Variants in KCNH7 observed in about 807,000 individuals in gnomAD.
KCNH7 encodes potassium voltage-gated channel subfamily H member 7.
In KCNH7, 49 loss-of-function variants were observed where a neutral mutation model predicts 120.8. The ratio of observed to expected loss-of-function variants is 0.41; its 90% confidence interval spans 0.32 to 0.51. The LOEUF is 0.51. Ranked by LOEUF, KCNH7 falls within the 20% of genes least tolerant of loss-of-function variation. KCNH7 has a pLI of 0.38. For missense variants in KCNH7, 1,097 were observed against 1,446.6 expected, an observed-to-expected ratio of 0.76 and a Z score of 3.92; for synonymous variants, 547 against 516.1, an observed-to-expected ratio of 1.06 and a Z score of -0.81.
intron 11 of KCNH7, among the ~76,000 whole-genome samples, chr2:162,395,752 G>T (rs1686894143): frequency 6.6e-6 from 1 of 151,470 alleles, no homozygotes; most frequent in Admixed American, 6.6e-5. Context: ...GGTGTATCAG[G>T]GTATTAAATG....
At chr2:162,777,467 G>T (rs1683283955) in intron 2 of KCNH7, among the ~76,000 whole-genome samples, 1 of 152,144 alleles carries the variant, frequency 6.6e-6, no homozygotes, top group Admixed American at 6.5e-5. Flanking sequence ...ATCCATGGAT[G>T]CAGAACCCAC....
At chr2:162,387,385 A>T (rs1686604768) in intron 12 of KCNH7, among the ~76,000 whole-genome samples, 1 of 151,554 alleles carries the variant, frequency 6.6e-6, no homozygotes, top group African/African-American at 2.4e-5. Context: ...ATGCATTATA[A>T]TTAGCCTCCA....
chr2:162,500,370 G>GTATATAT (rs56097283), intron 6 of KCNH7, among the ~76,000 whole-genome samples: 146,486 of 146,562 alleles, frequency 1, 73,205 homozygotes, highest in Middle Eastern at 1. Context: ...AGTATATAAT[G>GTATATAT]TATATATTAT....
chr2:162,578,194 C>T (rs191301824), intron 2 of KCNH7, among the ~76,000 whole-genome samples: 1 of 152,044 alleles, frequency 6.6e-6, no homozygotes, highest in Admixed American at 6.6e-5. Context: ...GGTCCTTCAA[C>T]GCTAGCTGAG....
At chr2:162,374,708 ATCT>A (rs1686099241) in intron 14 of KCNH7, among the ~76,000 whole-genome samples, 1 of 152,120 alleles carries the variant, frequency 6.6e-6, no homozygotes, top group South Asian at 2.1e-4. Context: ...ATGAGAAAAT[ATCT>A]TCTTTTTTTT....
intron 2 of KCNH7, among the ~76,000 whole-genome samples, chr2:162,619,042 TTATTA>T (rs1683246651): frequency 6.6e-6 from 1 of 152,086 alleles, no homozygotes; most frequent in Admixed American, 6.5e-5. Flanking sequence ...CTGAAGAAAA[TTATTA>T]TCTTGGACAG....
chr2:162,565,689 T>A (rs538530877), intron 2 of KCNH7, among the ~76,000 whole-genome samples: 1 of 152,172 alleles, frequency 6.6e-6, no homozygotes, highest in Non-Finnish European at 1.5e-5. Context: ...CAGCTCTTGG[T>A]CTCCCAAGAT....
chr2:162,454,219 C>G (rs1688881292), intron 6 of KCNH7, among the ~76,000 whole-genome samples: 2 of 151,874 alleles, frequency 1.3e-5, no homozygotes, highest in African/African-American at 4.8e-5. Context: ...GGAATCCTTT[C>G]CTCATTGCTT....
intron 3 of KCNH7, among the ~76,000 whole-genome samples, chr2:162,523,420 C>T (rs1011372105): frequency 1.3e-5 from 2 of 151,874 alleles, no homozygotes; most frequent in African/African-American, 4.8e-5. Context: ...CATAAAATTA[C>T]AATGATAACA....
intron 6 of KCNH7, among the ~76,000 whole-genome samples, chr2:162,449,955 T>A (rs1688710805): frequency 1.3e-5 from 2 of 152,094 alleles, no homozygotes; most frequent in Admixed American, 6.6e-5. Flanking sequence ...TTTCTGTAGA[T>A]CAAAAATGAT....
Position 162,787,479 on chromosome 2 carries a change from G to T in KCNH7, c.307+49058C>A, listed in dbSNP as rs148096630. On this transcript the variant is annotated intron_variant, in intron 2 of 15. Transcript: ENST00000332142. Reference sequence around the variant, plus strand: ...CTCTGTGGCCCTGAGCACCAGGCTGGCATCCACGAATTCAGGCTTGAGGCT... The same window carrying T: ...CTCTGTGGCCCTGAGCACCAGGCTGTCATCCACGAATTCAGGCTTGAGGCT... Among the ~76,000 whole-genome samples the T allele has an allele frequency of 3.1e-3, 478 of 152,242 alleles. 2 individuals carry two copies. The highest frequency in any genetic ancestry group is 5.1e-3 in the Non-Finnish European group (345 of 68,014).
At chr2:162,722,805 C>CTTTTTTCTTTTTTTTTTTT (rs1559100199) in intron 2 of KCNH7, among the ~76,000 whole-genome samples, 3 of 79,878 alleles carry the variant, frequency 3.8e-5, no homozygotes, top group African/African-American at 2.3e-4. Context: ...TTCATTCATT[C>CTTTTTTCTTTTTTTTTTTT]TTTTTTTCTT....
chr2:162,536,815 A>T, intron 3 of KCNH7, 110 bp downstream of exon 3: 2 of 1,104,448 alleles, frequency 1.8e-6, no homozygotes, highest in Non-Finnish European at 2.6e-6. Flanking sequence ...AAATTATTTT[A>T]CTTCAAATAT....
intron 6 of KCNH7, among the ~76,000 whole-genome samples, chr2:162,472,772 A>C (rs1287548427): frequency 6.6e-6 from 1 of 152,238 alleles, no homozygotes; most frequent in Non-Finnish European, 1.5e-5. Flanking sequence ...TCATGCTGCT[A>C]TAAAGACACA....
intron 6 of KCNH7, among the ~76,000 whole-genome samples, chr2:162,484,978 C>T (rs1317173493): frequency 6.6e-6 from 1 of 152,124 alleles, no homozygotes. Context: ...AAATAATTTA[C>T]CCAGCCTCAG....
At position 162,472,675 on chromosome 2, in the gene KCNH7, G is replaced by T. The variant is rs1471981584; in HGVS notation, c.1129-26232C>A. Among the ~76,000 whole-genome samples, 3 of 152,224 alleles carry T rather than the reference G, an allele frequency of 2.0e-5. No homozygotes were observed. The East Asian group carries it at 5.8e-4, about 29-fold the overall frequency. ...ACTAGTTCAACCATTGTGGCAGTCG[G>T]TGTGGTGATTCCTCAGGGATCTAGA... On this transcript the variant is annotated intron_variant, in intron 6 of 15. Transcript: ENST00000332142.
chr2:162,688,377 G>A (rs1685972200), intron 2 of KCNH7, among the ~76,000 whole-genome samples: 1 of 151,996 alleles, frequency 6.6e-6, no homozygotes, highest in African/African-American at 2.4e-5. Flanking sequence ...TTCCATAACT[G>A]CGTAGTTGTA....
chr2:162,437,153 T>A (rs1229152103), intron 7 of KCNH7, among the ~76,000 whole-genome samples: 2 of 152,054 alleles, frequency 1.3e-5, no homozygotes, highest in Non-Finnish European at 2.9e-5. Flanking sequence ...TTCTACAGTT[T>A]CTTGTTTTTC....
At chr2:162,682,324 A>T (rs1280318819) in intron 2 of KCNH7, among the ~76,000 whole-genome samples, 2 of 151,798 alleles carry the variant, frequency 1.3e-5, no homozygotes, top group African/African-American at 4.8e-5. Flanking sequence ...TCTCAAAGTT[A>T]GAACCATAAA....
Sources: allele counts gnomAD v4.1 joint callset (sites outside exome capture counted in the v4.1 genomes callset), GRCh38; gene constraint gnomAD v4.1.1; transcripts MANE v1.5; gene names NCBI Gene and HGNC (gene_info 2026-07-23, HGNC 2026-07-21).